The following RPH3AL variants were observed in gnomAD, a reference collection of about 807,000 sequenced individuals.
RPH3AL encodes rabphilin 3A like (without C2 domains).
In RPH3AL, 38 loss-of-function variants were observed where a neutral mutation model predicts 43.1. The ratio of observed to expected loss-of-function variants is 0.88; its 90% CI spans 0.68 to 1.15. The LOEUF (loss-of-function observed/expected upper bound fraction) is 1.15. RPH3AL is among the 50% of genes most tolerant of loss of function. The pLI is 0.00. For synonymous variants in RPH3AL, 189 were observed against 176.3 expected (o/e 1.07, Z -0.57); for missense variants, 462 against 423.2 (o/e 1.09, Z -0.81).
intron 5 of RPH3AL, among the ~76,000 whole-genome samples, chr17:302,033 C>A (rs1466759811): frequency 2.0e-5 from 3 of 152,250 alleles, no homozygotes; most frequent in African/African-American, 4.8e-5. Flanking sequence ...TCACTACGGC[C>A]TGAGCCAAAG....
intron 5 of RPH3AL, among the ~76,000 whole-genome samples, chr17:293,581 C>T (rs1181548935): frequency 1.3e-5 from 2 of 152,138 alleles, no homozygotes; most frequent in African/African-American, 2.4e-5. Flanking sequence ...GCATCTTTTC[C>T]GGCAGGACAC....
intron 6 of RPH3AL, among the ~76,000 whole-genome samples, chr17:273,011 G>GCTA (rs2042533637): frequency 8.3e-6 from 1 of 120,124 alleles, no homozygotes; most frequent in African/African-American, 2.7e-5. Flanking sequence ...CCCAGCGAGG[G>GCTA]CGACATCAGG....
At chr17:318,506 G>A (rs1163338667) in intron 5 of RPH3AL, among the ~76,000 whole-genome samples, 1 of 152,112 alleles carries the variant, frequency 6.6e-6, no homozygotes, top group Non-Finnish European at 1.5e-5. Flanking sequence ...CACCTAGGAG[G>A]GCAGCAAAGG....
intron 5 of RPH3AL, among the ~76,000 whole-genome samples, chr17:304,587 C>A (rs62053678): frequency 0.083 from 12,673 of 152,148 alleles, 599 homozygotes; most frequent in Middle Eastern, 0.12. Flanking sequence ...TCACTCTGAG[C>A]AGCTGGTGCC....
intron 2 of RPH3AL, among the ~76,000 whole-genome samples, chr17:330,623 C>A (rs981943240): frequency 2.0e-5 from 3 of 152,350 alleles, no homozygotes; most frequent in Non-Finnish European, 2.9e-5. Context: ...CGCCTGTAAT[C>A]TCAGCACTTC....
In RPH3AL at chr17:213,799, C is replaced by T. The variant is rs2151490917; in HGVS notation, c.*53G>A. ...AAGGACCGGTCAGGGAGGAGCCGGG[C>T]AGGGTCTGGCAGGAATCCTCCACAG... On this transcript the variant is annotated 3_prime_UTR_variant, in exon 10 of 10. Transcript: ENST00000331302. The T allele has an allele frequency of 1.4e-6, 2 of 1,452,732 alleles. No individual in the cohort carries two copies. The highest frequency in any genetic ancestry group is 2.3e-5 in the South Asian group (2 of 86,380). The allele number at this position is 1,452,732 out of a possible 1,614,324, so 90.0% of individuals were successfully genotyped here. A position where few individuals can be genotyped will look rare whatever the true frequency, so the allele number is the denominator to read the frequency against.
intron 5 of RPH3AL, among the ~76,000 whole-genome samples, chr17:300,107 C>T (rs9911963): frequency 0.31 from 9,093 of 29,134 alleles, 1,343 homozygotes; most frequent in Non-Finnish European, 0.36. Flanking sequence ...AGCCTAGGCC[C>T]GCAGAATCTC....
chr17:222,125 C>T (rs1355867310), intron 7 of RPH3AL, among the ~76,000 whole-genome samples: 1 of 151,722 alleles, frequency 6.6e-6, no homozygotes, highest in Non-Finnish European at 1.5e-5. Flanking sequence ...CAATGCTCTG[C>T]AGGGATGTGG....
chr17:244,201 C>G (rs892831037), intron 7 of RPH3AL, among the ~76,000 whole-genome samples: 22 of 121,576 alleles, frequency 1.8e-4, no homozygotes, highest in African/African-American at 5.7e-4. Flanking sequence ...TACCCTTCCT[C>G]TATTGATCAC....
In RPH3AL at chr17:260,126, C is replaced by T. The variant is rs540132826; in HGVS notation, c.439-12841G>A. ...GGCCCAGGCATCCATCCTCTCTGCC[C>T]CAACCCCACGAGTCACAGCAGGGGA... On this transcript the variant is annotated intron_variant, in intron 6 of 9. Coordinates refer to ENST00000331302, the MANE Select transcript of RPH3AL (RefSeq NM_006987.4). Among the ~76,000 whole-genome samples, 6 of 152,308 alleles carry T rather than the reference C, an allele frequency of 3.9e-5. No homozygotes were observed. In the East Asian group the frequency reaches 1.2e-3, roughly 29 times the overall value.
intron 1 of RPH3AL, among the ~76,000 whole-genome samples, chr17:344,522 TATCATCATCACCATCATCATGATCACC>T (rs1343155282): frequency 3.8e-5 from 5 of 130,046 alleles, no homozygotes; most frequent in African/African-American, 1.3e-4. Flanking sequence ...CCATCATCAC[TATCATCATCACCATCATCATGATCACC>T]ATCATCATCA....
At chr17:298,877 G>C (rs1450369551) in intron 5 of RPH3AL, among the ~76,000 whole-genome samples, 1 of 152,158 alleles carries the variant, frequency 6.6e-6, no homozygotes, top group African/African-American at 2.4e-5. Context: ...GCTCCAAGGA[G>C]GGGGACGGCA....
intron 5 of RPH3AL, among the ~76,000 whole-genome samples, chr17:318,473 G>C (rs1337663241): frequency 1.3e-5 from 2 of 152,222 alleles, no homozygotes; most frequent in Non-Finnish European, 2.9e-5. Flanking sequence ...AGGAAGACAT[G>C]GTGTCTTGAG....
intron 7 of RPH3AL, among the ~76,000 whole-genome samples, chr17:235,653 G>A (rs865976186): frequency 4.5e-3 from 453 of 101,238 alleles, no homozygotes; most frequent in Middle Eastern, 0.011. Flanking sequence ...ATGGATCCAG[G>A]GTTCAAAGCT....
rs762883894 is a variant in RPH3AL at position 321,327 on chromosome 17, G to T, written c.166C>A (p.Leu56Met). The T allele has an allele frequency of 3.7e-6, 6 of 1,611,406 alleles. No homozygotes were observed. The African/African-American group carries it at 5.3e-5, about 14-fold the overall frequency. ...HLSPAEVEAI[L>M]QVIQRAERLD... ...CGCTCTGCCCTCTGGATGACCTGCA[G>T]GATGGCCTCCACCTCCGCCGGGCTG... Residue 56 changes from leucine to methionine, a missense_variant, in exon 4 of 10, where the codon CTG (leucine) becomes ATG (methionine). Leu to Met is a conservative substitution (Grantham distance 15, BLOSUM62 2). Coordinates refer to ENST00000331302, the MANE Select transcript of RPH3AL (RefSeq NM_006987.4).
At chr17:314,495 TATACTCCACGTCCATTGAC>T (rs2043798471) in intron 5 of RPH3AL, among the ~76,000 whole-genome samples, 1 of 144,520 alleles carries the variant, frequency 6.9e-6, no homozygotes, top group East Asian at 2.0e-4. Context: ...CTGTAGTCCC[TATACTCCACGTCCATTGAC>T]CTGTAGTCCC....
chr17:330,745 G>A (rs565046945), intron 2 of RPH3AL, among the ~76,000 whole-genome samples: 8 of 152,170 alleles, frequency 5.3e-5, no homozygotes, highest in Admixed American at 1.3e-4. Context: ...GCGTGATGGC[G>A]CGCACCTGTA....
intron 7 of RPH3AL, among the ~76,000 whole-genome samples, chr17:235,251 A>AT (rs2041340365): frequency 1.1e-4 from 12 of 107,046 alleles, no homozygotes; most frequent in Admixed American, 1.8e-4. Context: ...AGACGGGTCC[A>AT]GGGTCCAAAG....
intron 7 of RPH3AL, among the ~76,000 whole-genome samples, chr17:239,425 C>T (rs1035771390): frequency 6.6e-5 from 10 of 152,198 alleles, no homozygotes; most frequent in Middle Eastern, 3.2e-3. Context: ...TGAAAAGTGA[C>T]TTATGGTTGG....
Sources: gnomAD v4.1 joint callset for allele counts (sites outside exome capture counted in the v4.1 genomes callset) on GRCh38, gnomAD v4.1.1 for gene constraint, MANE v1.5 for transcripts, NCBI Gene and HGNC (gene_info 2026-07-23, HGNC 2026-07-21) for gene names.